Variants in NELL1 observed in about 807,000 individuals in gnomAD.
NELL1 encodes neural EGFL like 1, also known as protein kinase C-binding protein NELL1.
NELL1 carries 76 observed loss-of-function variants against 107.4 expected under a neutral mutation model. The observed-to-expected ratio is 0.71, with a 90% CI of 0.59 to 0.86. The LOEUF is 0.86. NELL1 is among the 40% of genes least tolerant of loss of function. The pLI, the probability that NELL1 is intolerant of heterozygous loss-of-function variation, is 0.00. For synonymous variants in NELL1, 353 were observed against 341.2 expected (o/e 1.03, Z -0.38); for missense variants, 1,024 against 1,005.5 (o/e 1.02, Z -0.25).
intron 16 of NELL1, among the ~76,000 whole-genome samples, chr11:21,544,714 T>A (rs182780845): frequency 1.5e-4 from 23 of 152,076 alleles, no homozygotes; most frequent in African/African-American, 5.5e-4. Flanking sequence ...ATGTTCTAAA[T>A]GTATTTGGTC....
rs79055791 is a variant in NELL1, at chr11:21,223,213, G to A, written c.1427-6119G>A. 9.4e-3 allele frequency among the ~76,000 whole-genome samples: 1,429 copies of A among 151,872 alleles called. 22 individuals carry two copies. The highest frequency in any genetic ancestry group is 0.032 in the African/African-American group (1,310 of 41,394). ...CTTTCTCTTTCTCTCTTCAGATGTA[G>A]TAACATTTGCTTTATGAATTTGGGT... is the stretch of plus-strand genomic sequence containing the variant. On this transcript the variant is annotated intron_variant, in intron 13 of 19. Coordinates refer to ENST00000357134, the MANE Select transcript of NELL1 (RefSeq NM_006157.5).
At chr11:20,999,072 A>G (rs572281596) in intron 12 of NELL1, among the ~76,000 whole-genome samples, 1 of 152,304 alleles carries the variant, frequency 6.6e-6, no homozygotes, top group South Asian at 2.1e-4. Context: ...TTTGGTGTAT[A>G]TGGTGGTTTG....
intron 12 of NELL1, among the ~76,000 whole-genome samples, chr11:21,109,229 TG>T (rs1200281253): frequency 6.6e-6 from 1 of 152,144 alleles, no homozygotes; most frequent in Non-Finnish European, 1.5e-5. Context: ...ATCTATTTTT[TG>T]GGTATTTACC....
chr11:20,784,363 AG>A (rs1304272205), intron 3 of NELL1, among the ~76,000 whole-genome samples: 1 of 152,244 alleles, frequency 6.6e-6, no homozygotes, highest in Non-Finnish European at 1.5e-5. Context: ...GCTTTGGAAA[AG>A]AAGATAGTTG....
In NELL1 at chr11:21,439,681, A is replaced by G. The variant is rs199926873; in HGVS notation, c.1645+68733A>G. 1.5e-4 allele frequency among the ~76,000 whole-genome samples: 23 copies of G among 152,308 alleles called. No individual in the cohort carries two copies. The East Asian group carries it at 3.5e-3, about 23-fold the overall frequency. ...ATTAGTAAGTAATACAGCCAAGTCA[A>G]TGAGCATCCCAGCTTCACGCCATGT... On this transcript the variant is annotated intron_variant, in intron 15 of 19. Transcript: ENST00000357134.
chr11:21,075,437 T>C (rs946012202), intron 12 of NELL1, among the ~76,000 whole-genome samples: 1 of 151,850 alleles, frequency 6.6e-6, no homozygotes, highest in African/African-American at 2.4e-5. Context: ...GAGGTAACCA[T>C]GAGTGGTTCA....
chr11:20,949,196 T>C (rs988610338), intron 11 of NELL1, among the ~76,000 whole-genome samples: 47 of 152,296 alleles, frequency 3.1e-4, no homozygotes, highest in African/African-American at 1.1e-3. Flanking sequence ...TTCTGGTGTA[T>C]GAAAATGTTG....
At chr11:21,390,345 T>C (rs12146653) in intron 15 of NELL1, among the ~76,000 whole-genome samples, 14,520 of 149,312 alleles carry the variant, frequency 0.097, 938 homozygotes, top group East Asian at 0.2. Flanking sequence ...AACATTTTCT[T>C]TCCCATCTCT....
At chr11:21,048,290 C>A (rs960227680) in intron 12 of NELL1, among the ~76,000 whole-genome samples, 13 of 152,080 alleles carry the variant, frequency 8.5e-5, no homozygotes. Flanking sequence ...GATCTACTCA[C>A]GTTTTATACT....
chr11:21,037,131 A>G (rs942164864), intron 12 of NELL1, among the ~76,000 whole-genome samples: 1 of 152,090 alleles, frequency 6.6e-6, no homozygotes, highest in Admixed American at 6.6e-5. Context: ...AAAATGTTTT[A>G]TATCTTCAGG....
chr11:20,735,628 G>A (rs1855744425), intron 2 of NELL1, among the ~76,000 whole-genome samples: 1 of 152,156 alleles, frequency 6.6e-6, no homozygotes, highest in South Asian at 2.1e-4. Flanking sequence ...ACCATATCAA[G>A]GATCTTTTTG....
chr11:21,478,152 A>G (rs1425932353), intron 15 of NELL1, among the ~76,000 whole-genome samples: 2 of 152,154 alleles, frequency 1.3e-5, no homozygotes, highest in African/African-American at 2.4e-5. Flanking sequence ...GGCAGGAGAA[A>G]GAGTGCAGGG....
intron 12 of NELL1, among the ~76,000 whole-genome samples, chr11:20,978,712 G>C (rs957836906): frequency 6.6e-6 from 1 of 152,104 alleles, no homozygotes; most frequent in South Asian, 2.1e-4. Context: ...ACCTGGCCCT[G>C]TCTGTAATAA....
intron 15 of NELL1, among the ~76,000 whole-genome samples, chr11:21,486,194 C>G (rs1590969601): frequency 6.6e-6 from 1 of 152,120 alleles, no homozygotes; most frequent in East Asian, 1.9e-4. Flanking sequence ...CTTACGAACA[C>G]TAGACTCACC....
intron 12 of NELL1, among the ~76,000 whole-genome samples, chr11:21,020,789 C>T (rs1408838891): frequency 6.6e-6 from 1 of 151,916 alleles, no homozygotes; most frequent in Non-Finnish European, 1.5e-5. Context: ...GGTCTCTGAA[C>T]AGGTGCCTTT....
At chr11:21,491,074 T>C (rs928143621) in intron 15 of NELL1, among the ~76,000 whole-genome samples, 74 of 152,070 alleles carry the variant, frequency 4.9e-4, no homozygotes, top group Non-Finnish European at 5.0e-4. Flanking sequence ...TTCAGAATAT[T>C]CAAGGAACTC....
intron 12 of NELL1, among the ~76,000 whole-genome samples, chr11:20,980,612 A>G (rs1378120810): frequency 6.6e-6 from 1 of 152,204 alleles, no homozygotes; most frequent in Non-Finnish European, 1.5e-5. Flanking sequence ...AAGCCTAAAT[A>G]AGTTCTATAC....
rs1851034308 is a variant in NELL1, at chr11:20,949,714, G to A, written c.1171+2279G>A. ...TCCATTACCAATGAAGATGCTGAGA[G>A]ATGTGACATCTCATTGACAAGAAGC... On this transcript the variant is annotated intron_variant, in intron 11 of 19. Coordinates refer to ENST00000357134, the MANE Select transcript of NELL1 (RefSeq NM_006157.5). 2.0e-5 allele frequency among the ~76,000 whole-genome samples: 3 copies of A among 152,190 alleles called. No homozygotes were observed. The South Asian group carries it at 6.2e-4, about 32-fold the overall frequency.
intron 15 of NELL1, among the ~76,000 whole-genome samples, chr11:21,420,868 G>T (rs1434783455): frequency 1.3e-5 from 2 of 152,114 alleles, no homozygotes; most frequent in Non-Finnish European, 2.9e-5. Context: ...TCAAGAGGGT[G>T]ATTGGAAAAT....
Sources: allele counts gnomAD v4.1 joint callset (sites outside exome capture counted in the v4.1 genomes callset), GRCh38; gene constraint gnomAD v4.1.1; transcripts MANE v1.5; gene names NCBI Gene and HGNC (gene_info 2026-07-23, HGNC 2026-07-21).